The following AGPAT3 variants were observed in gnomAD, a reference collection of about 807,000 sequenced individuals.
AGPAT3 encodes 1-acyl-sn-glycerol-3-phosphate acyltransferase gamma.
A neutral mutation model predicts 47.3 loss-of-function variants in AGPAT3; 5 were observed. That is an observed-to-expected ratio of 0.11 (90% CI 0.06 to 0.22). The LOEUF is 0.22. AGPAT3 is among the 10% of genes least tolerant of loss of function. The probability of loss-of-function intolerance (pLI) is 1.00; values close to 1 mark genes in which losing one functional copy is unlikely to be tolerated. For synonymous variants in AGPAT3, 212 were observed against 208.3 expected (o/e 1.02, Z -0.15); for missense variants, 315 against 493.0 (o/e 0.64, Z 3.42).
chr21:43,922,930 C>T lies in AGPAT3; in HGVS notation c.-49+18911C>T, dbSNP rs934285405. ...CATGGGGCGCCTGTCCCCAGCGGGG[C>T]GGGCTCTGGGGTGCGAGCGTCTGTT... On this transcript the variant is annotated intron_variant, in intron 2 of 9. Coordinates refer to ENST00000291572, the MANE Select transcript of AGPAT3 (RefSeq NM_020132.5). The surrounding 1 kb of genome is among the most constrained non-coding windows in gnomAD (Gnocchi z 4.9). Among the ~76,000 whole-genome samples, 3 of 152,218 alleles carry T rather than the reference C, an allele frequency of 2.0e-5. No homozygotes were observed. The highest frequency in any genetic ancestry group is 4.4e-5 in the Non-Finnish European group (3 of 68,016).
intron 6 of AGPAT3, among the ~76,000 whole-genome samples, chr21:43,971,063 G>A (rs1443271888): frequency 6.6e-6 from 1 of 152,130 alleles, no homozygotes; most frequent in African/African-American, 2.4e-5. Context: ...AATCATTATT[G>A]TATCTTATTA....
intron 3 of AGPAT3, among the ~76,000 whole-genome samples, chr21:43,964,082 T>C (rs902083418): frequency 5.3e-5 from 8 of 152,052 alleles, no homozygotes; most frequent in East Asian, 2.0e-4. Flanking sequence ...CTAAACCGTA[T>C]GTAAAATAAA....
At chr21:43,868,254 A>C (rs546664427) in intron 1 of AGPAT3, among the ~76,000 whole-genome samples, 14 of 152,202 alleles carry the variant, frequency 9.2e-5, no homozygotes, top group African/African-American at 3.1e-4. Context: ...GCTGGGGTTA[A>C]ATTGGCCACG....
At chr21:43,971,579 G>T in intron 7 of AGPAT3, 89 bp downstream of exon 7, 2 of 1,248,896 alleles carry the variant, frequency 1.6e-6, no homozygotes, top group South Asian at 1.3e-5. Context: ...CTGGGTCCAG[G>T]CCCCACGTCC....
Position 43,952,888 on chromosome 21 carries a change from T to C in AGPAT3, c.-48-6746T>C, listed in dbSNP as rs914246596. Among the ~76,000 whole-genome samples, 5 of 152,064 alleles carry C rather than the reference T, an allele frequency of 3.3e-5. No individual in the cohort carries two copies. The highest frequency in any genetic ancestry group is 1.2e-4 in the African/African-American group (5 of 41,400). ...GAGGTCCCACCCTGTGTGGCTCTTC[T>C]ATCCCAGGCGTTCTCCAAGGTCCCC... On this transcript the variant is annotated intron_variant, in intron 2 of 9. Coordinates refer to ENST00000291572, the MANE Select transcript of AGPAT3 (RefSeq NM_020132.5). The surrounding 1 kb of genome is among the most constrained non-coding windows in gnomAD (Gnocchi z 5.6).
At chr21:43,883,432 A>G (rs1254502651) in intron 1 of AGPAT3, among the ~76,000 whole-genome samples, 1 of 152,192 alleles carries the variant, frequency 6.6e-6, no homozygotes, top group Non-Finnish European at 1.5e-5. Flanking sequence ...AAGATGGGGA[A>G]AATCCCTGCA....
intron 2 of AGPAT3, among the ~76,000 whole-genome samples, chr21:43,906,325 C>T (rs2086492663): frequency 6.6e-6 from 1 of 152,088 alleles, no homozygotes; most frequent in South Asian, 2.1e-4. Flanking sequence ...GGCACTGCAG[C>T]TCCCCCCCGC....
chr21:43,965,604 GT>G (rs111294513), intron 3 of AGPAT3: 2 of 152,004 alleles, frequency 1.3e-5, no homozygotes, highest in Non-Finnish European at 2.9e-5. Context: ...TGAATTTTAG[GT>G]TTTTTTTGTT....
intron 1 of AGPAT3, among the ~76,000 whole-genome samples, chr21:43,887,611 C>T (rs897087627): frequency 1.3e-5 from 2 of 152,206 alleles, no homozygotes; most frequent in Admixed American, 6.5e-5. Context: ...CAACTGCGCT[C>T]TCCTCAAATG....
chr21:43,943,445 T>A (rs2087737825), intron 2 of AGPAT3, among the ~76,000 whole-genome samples: 1 of 152,134 alleles, frequency 6.6e-6, no homozygotes, highest in Admixed American at 6.5e-5. Context: ...ATTTTATCGA[T>A]CACCTACTGT....
chr21:43,979,172 T>A (rs2089740615), intron 8 of AGPAT3, among the ~76,000 whole-genome samples: 1 of 151,842 alleles, frequency 6.6e-6, no homozygotes, highest in African/African-American at 2.4e-5. Flanking sequence ...TGGTGGCGCA[T>A]GCCTGTAATC....
chr21:43,927,505 G>A (rs1340244268), intron 2 of AGPAT3, among the ~76,000 whole-genome samples: 1 of 152,190 alleles, frequency 6.6e-6, no homozygotes, highest in Non-Finnish European at 1.5e-5. Context: ...GTTAGCAAAA[G>A]GAAGCTCTGT....
intron 1 of AGPAT3, among the ~76,000 whole-genome samples, chr21:43,899,758 C>T (rs1191541889): frequency 6.6e-6 from 1 of 152,224 alleles, no homozygotes; most frequent in Non-Finnish European, 1.5e-5. Context: ...TGTGCAGCAG[C>T]TGCCTCGGCC....
At position 43,971,505 on chromosome 21, in the gene AGPAT3, T is replaced by C. The variant is rs1318448230; in HGVS notation, c.767+15T>C. ...ATGTGCGTGAGGTGAGGCCAGACCCTGTGGCTCTCGCGCCGCCCCCCATAC... is the reference window on the plus strand; with the variant it reads ...ATGTGCGTGAGGTGAGGCCAGACCCCGTGGCTCTCGCGCCGCCCCCCATAC... On this transcript the variant is annotated intron_variant, in intron 7 of 9. Transcript: ENST00000291572. 9.3e-6 allele frequency: 15 copies of C among 1,612,740 alleles called. No individual in the cohort carries two copies. Among genetic ancestry groups the C allele is most frequent in the Non-Finnish European group, 1.3e-5 (15 of 1,178,798 alleles).
intron 2 of AGPAT3, among the ~76,000 whole-genome samples, chr21:43,931,589 C>T (rs943162996): frequency 7.2e-5 from 11 of 152,090 alleles, no homozygotes; most frequent in African/African-American, 2.4e-4. Context: ...AACCGAAGAG[C>T]GACGTGGAGT....
intron 2 of AGPAT3, among the ~76,000 whole-genome samples, chr21:43,919,550 A>G (rs2086841440): frequency 6.6e-6 from 1 of 152,100 alleles, no homozygotes. Flanking sequence ...CGGTCCATGG[A>G]TGCTTTAGGT....
rs565997551 is a variant in AGPAT3, at chr21:43,877,680, G to T, written c.-112+12335G>T. ...GCTGGCCTTGAACTCCCGACCTCGG[G>T]TGATCCGCCCGCCTTGGCTTTCCAA... On this transcript the variant is annotated intron_variant, in intron 1 of 9. Coordinates refer to ENST00000291572, the MANE Select transcript of AGPAT3 (RefSeq NM_020132.5). Among the ~76,000 whole-genome samples the T allele has an allele frequency of 5.3e-5, 8 of 152,262 alleles. No individual in the cohort carries two copies. The East Asian group carries it at 1.5e-3, about 29-fold the overall frequency.
chr21:43,943,415 C>T lies in AGPAT3; in HGVS notation c.-48-16219C>T, dbSNP rs555473820. Among the ~76,000 whole-genome samples the T allele has an allele frequency of 6.1e-3, 932 of 152,278 alleles. 6 individuals are homozygous for T. The highest frequency in any genetic ancestry group is 0.013 in the South Asian group (64 of 4,820). ...CTTGTAAACCAGAAACCTCCTTCCT[C>T]CCTCCTGCCGTCCCATAGGATTTTA... On this transcript the variant is annotated intron_variant, in intron 2 of 9. Transcript: ENST00000291572.
intron 3 of AGPAT3, chr21:43,967,393 C>G (rs951942627): frequency 1.3e-5 from 2 of 153,032 alleles, no homozygotes; most frequent in Non-Finnish European, 2.9e-5. Context: ...TCGAGCACCC[C>G]CAGCCGGCCT....
Sources: gnomAD v4.1 joint callset for allele counts (sites outside exome capture counted in the v4.1 genomes callset) on GRCh38, gnomAD v4.1.1 for gene constraint, Gnocchi (gnomAD v3.1) non-coding constraint, MANE v1.5 for transcripts, NCBI Gene and HGNC (gene_info 2026-07-23, HGNC 2026-07-21) for gene names.